PEMT: variants seen among roughly 807,000 people sequenced by gnomAD.
PEMT encodes phospholipid methyltransferase.
A neutral mutation model predicts 27.4 loss-of-function variants in PEMT; 23 were observed. The ratio of observed to expected loss-of-function variants is 0.84; its 90% CI spans 0.60 to 1.19. The LOEUF (loss-of-function observed/expected upper bound fraction) is 1.19, where lower values mean the gene tolerates loss of function less well. Ranked by LOEUF, PEMT falls within the 50% of genes most tolerant of loss-of-function variation. PEMT has a pLI of 0.00. For synonymous variants in PEMT, 137 were observed against 139.1 expected, an observed-to-expected ratio of 0.98 and a Z score of 0.11; for missense variants, 307 against 310.1, an observed-to-expected ratio of 0.99 and a Z score of 0.07.
At chr17:17,575,486 G>A (rs1032675957) in intron 2 of PEMT, among the ~76,000 whole-genome samples, 2 of 152,224 alleles carry the variant, frequency 1.3e-5, no homozygotes, top group Non-Finnish European at 2.9e-5. Context: ...CTGGCATGCT[G>A]GGTGTGTGCA....
At position 17,512,532 on chromosome 17, in the gene PEMT, AG is replaced by A. The variant is rs1441772285; in HGVS notation, c.442del (p.Leu148TrpfsTer8). Reference sequence around the variant, plus strand: ...ACCTAGGAAAGTTCCAGCGAACCCCAGTGCAAAGAAGCTGGAGAGCACGAGC... The same window carrying A: ...ACCTAGGAAAGTTCCAGCGAACCCCATGCAAAGAAGCTGGAGAGCACGAGC... ...VVLVLSSFFA[L>X]GFAGTFLGDY... On this transcript the variant is annotated frameshift_variant, in exon 4 of 7. Transcript: ENST00000255389. LOFTEE classifies it high-confidence loss of function. This position sits in a 1 kb window ranked among gnomAD's most constrained non-coding sequence, Gnocchi z 6.3. The A allele has an allele frequency of 6.2e-7, 1 of 1,605,000 alleles. No homozygotes were observed. Among genetic ancestry groups the A allele is most frequent in the Admixed American group, 1.7e-5 (1 of 59,242 alleles).
intron 1 of PEMT, among the ~76,000 whole-genome samples, chr17:17,578,003 T>C (rs57277948): frequency 0.24 from 30,493 of 127,778 alleles, 7,528 homozygotes; most frequent in African/African-American, 0.64. Context: ...GGCAACAGAG[T>C]GAGACTCCGT....
chr17:17,556,661 G>A (rs906009379), intron 2 of PEMT, among the ~76,000 whole-genome samples: 6 of 152,162 alleles, frequency 3.9e-5, no homozygotes, highest in African/African-American at 1.2e-4. Flanking sequence ...GGTGTGAGCC[G>A]CTGCGCCTGG....
At position 17,512,462 on chromosome 17, in the gene PEMT, G is replaced by A. The variant is rs1163633268; in HGVS notation, c.466+47C>T. ...GCCACCTGGCCCTGCACCTCCCTGGGGCTCCAGCGGTCCTGCTCAGGGTCA... is the reference window on the plus strand; with the variant it reads ...GCCACCTGGCCCTGCACCTCCCTGGAGCTCCAGCGGTCCTGCTCAGGGTCA... On this transcript the variant is annotated intron_variant, in intron 4 of 6. Coordinates refer to ENST00000255389, the MANE Select transcript of PEMT (RefSeq NM_148172.3). This position sits in a 1 kb window ranked among gnomAD's most constrained non-coding sequence, Gnocchi z 6.3. 2 of 1,458,104 alleles carry A rather than the reference G, an allele frequency of 1.4e-6. No homozygotes were observed. Among genetic ancestry groups the A allele is most frequent in the South Asian group, 1.5e-5 (1 of 68,616 alleles). The allele number at this position is 1,458,104 out of a possible 1,614,324, so 90.3% of individuals were successfully genotyped here. A position where few individuals can be genotyped will look rare whatever the true frequency, so the allele number is the denominator to read the frequency against.
chr17:17,556,877 G>T (rs1361244120), intron 2 of PEMT, among the ~76,000 whole-genome samples: 1 of 152,172 alleles, frequency 6.6e-6, no homozygotes, highest in African/African-American at 2.4e-5. Context: ...CGTGGCTCCC[G>T]CAGTGCTGTG....
chr17:17,522,489 C>T (rs1458530912), intron 2 of PEMT, 94 bp from the exon 3 acceptor site: 2 of 774,192 alleles, frequency 2.6e-6, no homozygotes, highest in African/African-American at 3.5e-5. Flanking sequence ...TTCCCAGGCT[C>T]CAAAGCCCCC....
intron 2 of PEMT, among the ~76,000 whole-genome samples, chr17:17,549,423 C>T (rs1417293378): frequency 6.6e-6 from 1 of 151,904 alleles, no homozygotes; most frequent in Admixed American, 6.6e-5. Flanking sequence ...CTCCTGACCT[C>T]GTGATCCACC....
chr17:17,533,911 A>G (rs1483256371), intron 2 of PEMT, among the ~76,000 whole-genome samples: 1 of 152,028 alleles, frequency 6.6e-6, no homozygotes, highest in Non-Finnish European at 1.5e-5. Context: ...TTGTATTTTT[A>G]GTAGAGATAG....
At chr17:17,567,658 A>G (rs930385455) in intron 2 of PEMT, among the ~76,000 whole-genome samples, 1 of 152,268 alleles carries the variant, frequency 6.6e-6, no homozygotes, top group African/African-American at 2.4e-5. Context: ...GCAGGAGTCC[A>G]GCTGTGAGCA....
intron 2 of PEMT, among the ~76,000 whole-genome samples, chr17:17,527,199 G>A (rs57552827): frequency 0.044 from 6,719 of 152,144 alleles, 328 homozygotes; most frequent in African/African-American, 0.12. Context: ...CACCATGCCC[G>A]GCTAATTTTG....
chr17:17,546,372 G>T (rs1171571347), intron 2 of PEMT, among the ~76,000 whole-genome samples: 2 of 152,248 alleles, frequency 1.3e-5, no homozygotes, highest in South Asian at 2.1e-4. Context: ...AACCCACCAG[G>T]CAGAATCAAA....
At chr17:17,584,635 T>G (rs73978985) in intron 1 of PEMT, among the ~76,000 whole-genome samples, 1,583 of 152,244 alleles carry the variant, frequency 0.01, 19 homozygotes, top group African/African-American at 0.036. Flanking sequence ...ACCTTTACCT[T>G]CCAGGGCCCA....
chr17:17,591,804 G>T, upstream of PEMT: 1 of 1,421,546 alleles, frequency 7.0e-7, no homozygotes, highest in Non-Finnish European at 9.2e-7. Flanking sequence ...CTTTATCTGG[G>T]GGCTCGCGAC....
chr17:17,553,215 A>G (rs181555128), intron 2 of PEMT, among the ~76,000 whole-genome samples: 321 of 152,258 alleles, frequency 2.1e-3, no homozygotes, highest in Middle Eastern at 0.017. Context: ...GACAAAGAAC[A>G]AGGTGTCAGG....
chr17:17,524,535 G>A (rs1171756241), intron 2 of PEMT, among the ~76,000 whole-genome samples: 2 of 150,958 alleles, frequency 1.3e-5, no homozygotes, highest in African/African-American at 4.9e-5. Context: ...AGGCTGAGGT[G>A]AGAGAATTGC....
At chr17:17,507,179 A>T in intron 5 of PEMT, 1 of 1,560,612 alleles carries the variant, frequency 6.4e-7, no homozygotes, top group East Asian at 2.4e-5. Context: ...CTCTGATCCC[A>T]CAGCTCCCGC....
intron 3 of PEMT, among the ~76,000 whole-genome samples, chr17:17,517,614 C>A (rs1393621716): frequency 6.6e-6 from 1 of 152,234 alleles, no homozygotes; most frequent in African/African-American, 2.4e-5. Flanking sequence ...GGGCCACAGT[C>A]CCCAAAGGCC....
intron 2 of PEMT, among the ~76,000 whole-genome samples, chr17:17,576,653 G>A (rs1597959084): frequency 6.6e-6 from 1 of 152,320 alleles, no homozygotes; most frequent in South Asian, 2.1e-4. Context: ...GCGTTCTCCT[G>A]CAGGTTCTTG....
At chr17:17,522,692 T>C (rs1222743588) in intron 2 of PEMT, among the ~76,000 whole-genome samples, 1 of 151,532 alleles carries the variant, frequency 6.6e-6, no homozygotes, top group Non-Finnish European at 1.5e-5. Context: ...AAGAGACGTC[T>C]GGTGGAGAAG....
Sources: gnomAD v4.1 joint callset for allele counts (sites outside exome capture counted in the v4.1 genomes callset) on GRCh38, gnomAD v4.1.1 for gene constraint, Gnocchi (gnomAD v3.1) non-coding constraint, MANE v1.5 for transcripts, NCBI Gene and HGNC (gene_info 2026-07-23, HGNC 2026-07-21) for gene names.